Variants in CDK14 observed in about 807,000 individuals in gnomAD.
CDK14 encodes the protein cyclin-dependent kinase 14.
Under a neutral mutation model 60.7 loss-of-function variants are expected in CDK14, and 34 were observed. That is an observed-to-expected ratio of 0.56 (90% confidence interval 0.43 to 0.75). CDK14 has a LOEUF of 0.75. Ranked by LOEUF, CDK14 falls within the 30% of genes least tolerant of loss-of-function variation. The pLI, the probability that CDK14 is intolerant of heterozygous loss-of-function variation, is 0.00. For missense variants in CDK14, 482 were observed against 564.1 expected (o/e 0.85, Z 1.47); for synonymous variants, 197 against 203.7 (o/e 0.97, Z 0.28).
intron 4 of CDK14, among the ~76,000 whole-genome samples, chr7:90,790,070 GA>G (rs60938697): frequency 5.2e-5 from 7 of 134,488 alleles, no homozygotes; most frequent in South Asian, 2.3e-4. Flanking sequence ...TAGTAAAAAA[GA>G]AAAAAAAACA....
At chr7:90,944,072 T>C (rs892400057) in intron 8 of CDK14, among the ~76,000 whole-genome samples, 10 of 152,272 alleles carry the variant, frequency 6.6e-5, no homozygotes, top group Admixed American at 1.3e-4. Flanking sequence ...GTTTTGCCCT[T>C]TTGTACGTGC....
intron 8 of CDK14, among the ~76,000 whole-genome samples, chr7:90,924,811 C>T (rs1411042353): frequency 6.6e-6 from 1 of 151,592 alleles, no homozygotes; most frequent in Non-Finnish European, 1.5e-5. Context: ...TTTAAAAAAC[C>T]TGCCATATGT....
At chr7:90,638,882 C>T (rs1254123610) in intron 2 of CDK14, among the ~76,000 whole-genome samples, 1 of 151,468 alleles carries the variant, frequency 6.6e-6, no homozygotes, top group African/African-American at 2.4e-5. Flanking sequence ...TCATTCATTT[C>T]ATCTTCCATC....
At chr7:91,079,397 C>T (rs765819597) in intron 11 of CDK14, 35 bp from the exon 12 acceptor site, 1 of 1,411,834 alleles carries the variant, frequency 7.1e-7, no homozygotes. Flanking sequence ...ACATTTGATA[C>T]AAAGATTGTT....
At chr7:90,988,839 C>T (rs2115675286) in intron 10 of CDK14, among the ~76,000 whole-genome samples, 1 of 152,148 alleles carries the variant, frequency 6.6e-6, no homozygotes, top group Non-Finnish European at 1.5e-5. Flanking sequence ...CGTTGATAAC[C>T]CTGACAAATC....
At chr7:90,982,245 T>A (rs118109363) in intron 9 of CDK14, among the ~76,000 whole-genome samples, 1 of 152,318 alleles carries the variant, frequency 6.6e-6, no homozygotes, top group East Asian at 1.9e-4. Flanking sequence ...ATGAAAGGCA[T>A]CACAGAGGAG....
chr7:91,207,783 C>T lies in CDK14; in HGVS notation c.*647C>T, dbSNP rs1433555229. 1 of 152,650 alleles carries T rather than the reference C, an allele frequency of 6.6e-6. No individual in the cohort carries two copies. Among genetic ancestry groups the T allele is most frequent in the Non-Finnish European group, 1.5e-5 (1 of 68,050 alleles). The allele number at this position is 152,650 out of a possible 1,614,324, so 9.5% of individuals were successfully genotyped here. ...ACATTTATATATAGGATATTGGACT[C>T]TGCTTAGCATTTTCAAGCCACATAG... On this transcript the variant is annotated 3_prime_UTR_variant, in exon 15 of 15. Coordinates refer to ENST00000380050, the MANE Select transcript of CDK14 (RefSeq NM_001287135.2).
intron 10 of CDK14, among the ~76,000 whole-genome samples, chr7:91,001,680 G>A (rs901313761): frequency 6.6e-6 from 1 of 152,132 alleles, no homozygotes; most frequent in Non-Finnish European, 1.5e-5. Context: ...AACCCAAGAG[G>A]GAAAATTAGG....
At chr7:91,104,721 C>G (rs778056211) in intron 12 of CDK14, among the ~76,000 whole-genome samples, 18 of 152,168 alleles carry the variant, frequency 1.2e-4, no homozygotes, top group Non-Finnish European at 2.2e-4. Context: ...TGCCTCTTCA[C>G]TTTGGATGAT....
chr7:90,725,769 C>G (rs1431625301), intron 2 of CDK14, among the ~76,000 whole-genome samples: 1 of 151,216 alleles, frequency 6.6e-6, no homozygotes, highest in Non-Finnish European at 1.5e-5. Flanking sequence ...AGGCTTAGAA[C>G]TAAAGTAAAA....
At chr7:90,977,417 A>C (rs948810137) in intron 9 of CDK14, among the ~76,000 whole-genome samples, 3 of 152,030 alleles carry the variant, frequency 2.0e-5, no homozygotes, top group African/African-American at 7.2e-5. Context: ...ATGTAGCTAC[A>C]TGCGGGGAAA....
intron 5 of CDK14, among the ~76,000 whole-genome samples, chr7:90,819,078 T>G (rs1789453024): frequency 6.6e-6 from 1 of 152,124 alleles, no homozygotes; most frequent in Non-Finnish European, 1.5e-5. Context: ...GCAAATTCTT[T>G]AAGTACAGTG....
chr7:90,991,701 A>G (rs560781461), intron 10 of CDK14, among the ~76,000 whole-genome samples: 20 of 152,158 alleles, frequency 1.3e-4, no homozygotes, highest in Non-Finnish European at 2.6e-4. Flanking sequence ...TCCTGCCCCA[A>G]AAGTGTAAGA....
chr7:90,808,802 G>A (rs749796620), intron 5 of CDK14, among the ~76,000 whole-genome samples: 1 of 152,098 alleles, frequency 6.6e-6, no homozygotes, highest in Non-Finnish European at 1.5e-5. Context: ...ACAAAAAAAG[G>A]CAGGGGTTGC....
At chr7:90,596,781 C>T in intron 1 of CDK14, 63 bp downstream of exon 1, 1 of 1,373,262 alleles carries the variant, frequency 7.3e-7, no homozygotes, top group Non-Finnish European at 1.0e-6. Context: ...GCCCCCGCCG[C>T]GTTCCTGGCA....
At chr7:90,839,144 G>A (rs1397452446) in intron 5 of CDK14, among the ~76,000 whole-genome samples, 2 of 152,210 alleles carry the variant, frequency 1.3e-5, no homozygotes, top group Non-Finnish European at 2.9e-5. Context: ...AATATTGGGG[G>A]TGGTTCCCCT....
intron 9 of CDK14, among the ~76,000 whole-genome samples, chr7:90,983,375 TA>T (rs952662400): frequency 5.9e-5 from 9 of 151,828 alleles, no homozygotes; most frequent in African/African-American, 1.5e-4. Flanking sequence ...TATGCAGCCA[TA>T]AAAAAAGAAT....
chr7:90,886,279 A>G (rs1348924194), intron 6 of CDK14, among the ~76,000 whole-genome samples: 1 of 152,292 alleles, frequency 6.6e-6, no homozygotes, highest in East Asian at 1.9e-4. Flanking sequence ...TTTCCTTGAT[A>G]AAAATCATTT....
intron 2 of CDK14, among the ~76,000 whole-genome samples, chr7:90,665,540 G>A (rs1800961601): frequency 6.6e-6 from 1 of 152,136 alleles, no homozygotes; most frequent in South Asian, 2.1e-4. Flanking sequence ...GTTTCAGTCC[G>A]GGTTATTAAT....
Sources: allele counts gnomAD v4.1 joint callset (sites outside exome capture counted in the v4.1 genomes callset), GRCh38; gene constraint gnomAD v4.1.1; transcripts MANE v1.5; gene names NCBI Gene and HGNC (gene_info 2026-07-23, HGNC 2026-07-21).